The following EYA4 variants were observed in gnomAD, a reference collection of about 807,000 sequenced individuals.
EYA4 encodes the protein EYA transcriptional coactivator and phosphatase 4.
Under a neutral mutation model 87.9 loss-of-function variants are expected in EYA4, and 31 were observed. The observed-to-expected ratio is 0.35, with a 90% CI of 0.27 to 0.48. The LOEUF is 0.48. Ranked by LOEUF, EYA4 falls within the 20% of genes least tolerant of loss-of-function variation. The pLI is 0.99. For synonymous variants in EYA4, 263 were observed against 270.6 expected (o/e 0.97, Z 0.28); for missense variants, 678 against 761.4 (o/e 0.89, Z 1.29).
intron 1 of EYA4, among the ~76,000 whole-genome samples, chr6:133,264,554 C>T (rs529505823): frequency 2.6e-5 from 4 of 152,250 alleles, no homozygotes; most frequent in South Asian, 4.1e-4. Context: ...AGGGATTTGG[C>T]GAACTTTTGG....
intron 2 of EYA4, among the ~76,000 whole-genome samples, chr6:133,337,568 G>A (rs1782466561): frequency 6.6e-6 from 1 of 152,108 alleles, no homozygotes. Flanking sequence ...TGTGTCATTT[G>A]TATATATTGG....
intron 18 of EYA4, among the ~76,000 whole-genome samples, chr6:133,524,041 T>C (rs1318715256): frequency 6.6e-6 from 1 of 152,152 alleles, no homozygotes; most frequent in Admixed American, 6.6e-5. Context: ...GGCAGCTGTT[T>C]CAAGAGTACA....
At position 133,394,303 on chromosome 6, in the gene EYA4, T is replaced by A. The variant is rs918471256; in HGVS notation, c.83+11862T>A. ...GCTTGTGTTTTTTTTTTTTTTTTTT[T>A]TTTTTTTTTTTTTTTGGTCATCGAA... On this transcript the variant is annotated intron_variant, in intron 3 of 19. Coordinates refer to ENST00000355286, the MANE Select transcript of EYA4 (RefSeq NM_004100.5). Among the ~76,000 whole-genome samples, 66 of 144,370 alleles carry A rather than the reference T, an allele frequency of 4.6e-4. 1 individual carries two copies. The highest frequency in any genetic ancestry group is 6.9e-3 in the Middle Eastern group (2 of 288). 94.7% of individuals were successfully genotyped at this position (144,370 alleles called of 152,430 possible). A position where few individuals can be genotyped will look rare whatever the true frequency, so the allele number is the denominator to read the frequency against.
chr6:133,411,978 C>T lies in EYA4; in HGVS notation c.83+29537C>T, dbSNP rs73561724. On this transcript the variant is annotated intron_variant, in intron 3 of 19. Coordinates refer to ENST00000355286, the MANE Select transcript of EYA4 (RefSeq NM_004100.5). ...TGGCAGAGGAGTTCTTGTCTCATGC[C>T]TGTCAGCACCTTGTTTTGTCATTGT... 2.3e-3 allele frequency among the ~76,000 whole-genome samples: 349 copies of T among 152,332 alleles called. 2 individuals carry two copies. The highest frequency in any genetic ancestry group is 8.1e-3 in the African/African-American group (336 of 41,566).
intron 3 of EYA4, among the ~76,000 whole-genome samples, chr6:133,425,380 G>A (rs1320577762): frequency 3.3e-5 from 5 of 150,262 alleles, no homozygotes; most frequent in Admixed American, 1.3e-4. Context: ...CAGAGCAGTT[G>A]ACCTGAATGG....
Position 133,242,072 on chromosome 6 carries a change from T to C in EYA4, c.-66+323T>C, listed in dbSNP as rs1773992960. On this transcript the variant is annotated intron_variant, in intron 1 of 19. Coordinates refer to ENST00000355286, the MANE Select transcript of EYA4 (RefSeq NM_004100.5). The stretch of plus-strand genomic sequence containing the variant: ...GCGCGGAGCCTGCGCGTAACGGAGT[T>C]CATCCAGCAGTCCAGCGCGCGGCTT... Among the ~76,000 whole-genome samples the C allele has an allele frequency of 2.0e-5, 3 of 152,202 alleles. No individual in the cohort carries two copies. In the South Asian group the frequency reaches 6.2e-4, roughly 32 times the overall value.
At chr6:133,393,405 A>G (rs1182989923) in intron 3 of EYA4, among the ~76,000 whole-genome samples, 1 of 152,212 alleles carries the variant, frequency 6.6e-6, no homozygotes, top group Non-Finnish European at 1.5e-5. Flanking sequence ...AAGGTAATAC[A>G]TAACCACCAA....
At chr6:133,304,400 TC>T (rs1193468570) in intron 2 of EYA4, among the ~76,000 whole-genome samples, 1 of 152,126 alleles carries the variant, frequency 6.6e-6, no homozygotes, top group East Asian at 1.9e-4. Context: ...TCTCTTGCAT[TC>T]CCAGCCAAAT....
chr6:133,420,247 C>G (rs1295529607), intron 3 of EYA4, among the ~76,000 whole-genome samples: 1 of 151,936 alleles, frequency 6.6e-6, no homozygotes, highest in Admixed American at 6.6e-5. Flanking sequence ...ATTCAGTATC[C>G]CCTCTGGGCA....
In EYA4 at chr6:133,352,555, A is replaced by G. The variant is rs578071650; in HGVS notation, c.34-29837A>G. Among the ~76,000 whole-genome samples the G allele has an allele frequency of 4.9e-3, 752 of 152,326 alleles. 4 individuals carry two copies. The highest frequency in any genetic ancestry group is 0.016 in the African/African-American group (686 of 41,586). On this transcript the variant is annotated intron_variant, in intron 2 of 19. Transcript: ENST00000355286. The stretch of plus-strand genomic sequence containing the variant: ...GTAATTTGAATCTTAAAAGAAATCT[A>G]GAAAAAAATTAAGTTAGTGATTTTT...
In EYA4 at chr6:133,270,146, AC is replaced by A. The variant is rs571232113; in HGVS notation, c.-65-4569del. 3.3e-4 allele frequency among the ~76,000 whole-genome samples: 51 copies of A among 152,330 alleles called. No homozygotes were observed. In the East Asian group the frequency reaches 7.1e-3, roughly 21 times the overall value. ...ATCTGTTTTGGCAACACCCTCACAG[AC>A]ACACCCAGGGTCAATACTTTGTATC... On this transcript the variant is annotated intron_variant, in intron 1 of 19. Coordinates refer to ENST00000355286, the MANE Select transcript of EYA4 (RefSeq NM_004100.5).
At position 133,288,503 on chromosome 6, in the gene EYA4, C is replaced by A. The variant is rs190268578; in HGVS notation, c.33+13690C>A. On this transcript the variant is annotated intron_variant, in intron 2 of 19. Transcript: ENST00000355286. Reference sequence around the variant, plus strand: ...AGAGTTTAGGAGCAGGTATCAATGACTTAAGGAAAGAGAAAGATGTGTTTG... The same window carrying A: ...AGAGTTTAGGAGCAGGTATCAATGAATTAAGGAAAGAGAAAGATGTGTTTG... 3.8e-3 allele frequency among the ~76,000 whole-genome samples: 583 copies of A among 152,186 alleles called. 1 individual carries two copies. The highest frequency in any genetic ancestry group is 6.3e-3 in the Non-Finnish European group (430 of 68,008).
chr6:133,300,929 A>C (rs73776021), intron 2 of EYA4, among the ~76,000 whole-genome samples: 85 of 152,256 alleles, frequency 5.6e-4, no homozygotes, highest in African/African-American at 1.8e-3. Context: ...ACTGTATTCT[A>C]TGTGTCCAGT....
chr6:133,479,026 GAGA>G (rs546553082), intron 11 of EYA4, among the ~76,000 whole-genome samples: 102 of 152,202 alleles, frequency 6.7e-4, no homozygotes, highest in African/African-American at 2.4e-3. Flanking sequence ...TGACTATAAG[GAGA>G]AGTTTTATGG....
intron 3 of EYA4, among the ~76,000 whole-genome samples, chr6:133,397,732 T>TA (rs1436127860): frequency 2.0e-5 from 3 of 152,208 alleles, no homozygotes; most frequent in Non-Finnish European, 4.4e-5. Flanking sequence ...TTAATGGACT[T>TA]ACAGCTCCAC....
At chr6:133,369,829 A>G (rs1182398063) in intron 2 of EYA4, among the ~76,000 whole-genome samples, 1 of 152,226 alleles carries the variant, frequency 6.6e-6, no homozygotes, top group Non-Finnish European at 1.5e-5. Flanking sequence ...ATGTATCACC[A>G]TGACAGCAGG....
At chr6:133,467,018 CGAG>C (rs1358229542) in intron 10 of EYA4, among the ~76,000 whole-genome samples, 4 of 151,690 alleles carry the variant, frequency 2.6e-5, no homozygotes, top group African/African-American at 9.7e-5. Context: ...GAAATGGAAA[CGAG>C]GAGATAAATT....
intron 3 of EYA4, among the ~76,000 whole-genome samples, chr6:133,401,261 A>G (rs1381526724): frequency 6.6e-6 from 1 of 152,136 alleles, no homozygotes; most frequent in Non-Finnish European, 1.5e-5. Context: ...GGAAGGAAGG[A>G]GGGATCCAAA....
intron 2 of EYA4, among the ~76,000 whole-genome samples, chr6:133,333,945 C>G (rs890254089): frequency 2.0e-5 from 3 of 152,060 alleles, no homozygotes; most frequent in African/African-American, 4.8e-5. Context: ...CTGGTGGGCT[C>G]TATGTATACT....
Sources: allele counts gnomAD v4.1 joint callset (sites outside exome capture counted in the v4.1 genomes callset), GRCh38; gene constraint gnomAD v4.1.1; transcripts MANE v1.5; gene names NCBI Gene and HGNC (gene_info 2026-07-23, HGNC 2026-07-21).